Variants in NME8 observed in about 807,000 individuals in gnomAD.
NME8 encodes protein NME8.
Under a neutral mutation model 82.3 loss-of-function variants are expected in NME8, and 72 were observed. The observed-to-expected ratio is 0.87, with a 90% CI of 0.72 to 1.06. The LOEUF is 1.06. NME8 is among the 50% of genes least tolerant of loss of function. The pLI is 0.00. For synonymous variants in NME8, 267 were observed against 228.5 expected, an observed-to-expected ratio of 1.17 and a Z score of -1.52; for missense variants, 712 against 685.4, an observed-to-expected ratio of 1.04 and a Z score of -0.43.
In NME8 at chr7:37,863,417, G is replaced by A. The variant is rs1042158253; in HGVS notation, c.409G>A (p.Asp137Asn). ...ATAGTATCCTGAAATTCCATTAGTA[G>A]ACTCAGATTCAGAAGTTAGTGAAGA... ...RPQYPEIPLV[D>N]SDSEVSEESP... The change falls in exon 8 of 18, where the codon GAC becomes AAC. Residue 137 changes from aspartate to asparagine, a missense_variant. Coordinates refer to ENST00000199447, the MANE Select transcript of NME8 (RefSeq NM_016616.5). 1.9e-6 allele frequency: 3 copies of A among 1,593,392 alleles called. No individual in the cohort carries two copies. Among genetic ancestry groups the A allele is most frequent in the Non-Finnish European group, 2.6e-6 (3 of 1,161,318 alleles).
chr7:37,873,292 G>A (rs1164904500), intron 11 of NME8, among the ~76,000 whole-genome samples: 1 of 147,748 alleles, frequency 6.8e-6, no homozygotes, highest in East Asian at 2.0e-4. Flanking sequence ...CCCAGGAGGC[G>A]GAGATTGCAG....
intron 6 of NME8, 60 bp from the exon 7 acceptor site, chr7:37,861,968 G>A (rs1052341809): frequency 9.8e-7 from 1 of 1,024,464 alleles, no homozygotes; most frequent in Non-Finnish European, 1.6e-6. Context: ...CAGTTTAAGT[G>A]TTAGTTCTTG....
chr7:37,877,848 G>C (rs1033514435), intron 12 of NME8, among the ~76,000 whole-genome samples: 1 of 152,184 alleles, frequency 6.6e-6, no homozygotes, highest in African/African-American at 2.4e-5. Context: ...TGTCTCTGGA[G>C]GTTGCCAAAT....
rs1784714453 is a variant in NME8, at chr7:37,867,985, A to G, written c.818+87A>G. Reference sequence around the variant, plus strand: ...GTAGGCACCTCAGTACCTAAGGGCAAATGTTTTTATGTTAAAGGCATAAGT... The same window carrying G: ...GTAGGCACCTCAGTACCTAAGGGCAGATGTTTTTATGTTAAAGGCATAAGT... On this transcript the variant is annotated intron_variant, in intron 11 of 17. Coordinates refer to ENST00000199447, the MANE Select transcript of NME8 (RefSeq NM_016616.5). 3 of 1,075,634 alleles carry G rather than the reference A, an allele frequency of 2.8e-6. No individual in the cohort carries two copies. In the East Asian group the frequency reaches 7.6e-5, roughly 27 times the overall value. The allele number at this position is 1,075,634 out of a possible 1,614,324, so 66.6% of individuals were successfully genotyped here.
chr7:37,867,500 T>C (rs1784704174), intron 10 of NME8, among the ~76,000 whole-genome samples: 1 of 152,072 alleles, frequency 6.6e-6, no homozygotes, highest in South Asian at 2.1e-4. Context: ...CATGAATATA[T>C]GCAATTATTT....
intron 12 of NME8, among the ~76,000 whole-genome samples, chr7:37,879,721 A>G (rs1784912590): frequency 6.6e-6 from 1 of 152,210 alleles, no homozygotes; most frequent in Non-Finnish European, 1.5e-5. Context: ...ATCTAGGAGC[A>G]TGAGTACAGG....
intron 16 of NME8, among the ~76,000 whole-genome samples, chr7:37,895,800 ACAAATAACACTG>A: frequency 1.3e-5 from 2 of 152,152 alleles, no homozygotes; most frequent in African/African-American, 4.8e-5. Flanking sequence ...GTTTAGATAC[ACAAATAACACTG>A]TATTACAGTT....
At position 37,888,347 on chromosome 7, in the gene NME8, G is replaced by A. The variant is rs746117435; in HGVS notation, c.1318G>A (p.Ala440Thr). Residue 440 changes from alanine (A) to threonine (T), a missense_variant, in exon 15 of 18, where the codon GCT becomes ACT. Coordinates refer to ENST00000199447, the MANE Select transcript of NME8 (RefSeq NM_016616.5). The part of the protein sequence containing the change: ...QLYGSDSLET[A>T]EREIQHFFPL... ...GTATGGCAGCGATTCATTAGAAACC[G>A]CTGAAAGGGAAATACAGCATTTCTT... The A allele has an allele frequency of 1.4e-5, 23 of 1,613,326 alleles. No homozygotes were observed. The East Asian group carries it at 1.8e-4, about 13-fold the overall frequency.
intron 5 of NME8, among the ~76,000 whole-genome samples, chr7:37,856,841 G>C (rs2598034): frequency 0.23 from 34,506 of 152,040 alleles, 3,939 homozygotes; most frequent in Middle Eastern, 0.25. Flanking sequence ...CCTTCTAACA[G>C]AGCAGGTGTA....
intron 12 of NME8, among the ~76,000 whole-genome samples, chr7:37,879,725 G>A (rs1224366527): frequency 6.6e-6 from 1 of 152,148 alleles, no homozygotes. Flanking sequence ...AGGAGCATGA[G>A]TACAGGATCA....
rs115890663 is a variant in NME8, at chr7:37,852,325, C to T, written c.198+1590C>T. Among the ~76,000 whole-genome samples, 679 of 151,988 alleles carry T rather than the reference C, an allele frequency of 4.5e-3. 5 individuals carry two copies. The highest frequency in any genetic ancestry group is 0.016 in the African/African-American group (646 of 41,480). ...ACATCAGAGTGGTACATTGTTACAA[C>T]GGATTAGCCTACACTGGCACATCAT... On this transcript the variant is annotated intron_variant, in intron 5 of 17. Transcript: ENST00000199447.
At chr7:37,850,082 A>G (rs1018083067) in intron 2 of NME8, among the ~76,000 whole-genome samples, 178 bp from the exon 3 acceptor site, 4 of 152,206 alleles carry the variant, frequency 2.6e-5, no homozygotes, top group Admixed American at 1.3e-4. Context: ...GTATCAAAAT[A>G]TCTCAGATTT....
At chr7:37,882,606 AGAGAGAG>A (rs1784974998) in intron 12 of NME8, among the ~76,000 whole-genome samples, 1 of 52,604 alleles carries the variant, frequency 1.9e-5, no homozygotes, top group Non-Finnish European at 5.3e-5. Flanking sequence ...AAAGAGAGAG[AGAGAGAG>A]AGAAAGAAAG....
intron 16 of NME8, among the ~76,000 whole-genome samples, chr7:37,896,057 G>T (rs566805353): frequency 1.3e-5 from 2 of 152,184 alleles, no homozygotes; most frequent in African/African-American, 4.8e-5. Context: ...ACACACGTGT[G>T]TATAAAATAC....
intron 15 of NME8, among the ~76,000 whole-genome samples, chr7:37,889,708 C>T (rs1052169687): frequency 1.3e-5 from 2 of 151,738 alleles, no homozygotes; most frequent in Non-Finnish European, 2.9e-5. Context: ...TTGAAATTAT[C>T]GTGGTGTTGC....
intron 17 of NME8, among the ~76,000 whole-genome samples, chr7:37,898,657 T>C (rs1785268141): frequency 6.6e-6 from 1 of 152,182 alleles, no homozygotes; most frequent in Non-Finnish European, 1.5e-5. Flanking sequence ...ATGAGTTACC[T>C]AGAACAAGCA....
intron 16 of NME8, among the ~76,000 whole-genome samples, chr7:37,895,125 G>A (rs973862312): frequency 6.6e-6 from 1 of 152,128 alleles, no homozygotes; most frequent in Non-Finnish European, 1.5e-5. Context: ...TTAAACACTT[G>A]ATAAATGTTA....
intron 12 of NME8, among the ~76,000 whole-genome samples, chr7:37,882,344 G>A (rs894596126): frequency 1.3e-5 from 2 of 151,794 alleles, no homozygotes; most frequent in Non-Finnish European, 2.9e-5. Flanking sequence ...AAACGTAGCC[G>A]GGCGTGGTGG....
intron 12 of NME8, 42 bp downstream of exon 12, chr7:37,877,049 T>A: frequency 3.3e-6 from 5 of 1,520,348 alleles, no homozygotes; most frequent in Non-Finnish European, 4.6e-6. Context: ...TTTATATAGA[T>A]GAGATTTGAA....
Sources: gnomAD v4.1 joint callset for allele counts (sites outside exome capture counted in the v4.1 genomes callset) on GRCh38, gnomAD v4.1.1 for gene constraint, MANE v1.5 for transcripts, NCBI Gene and HGNC (gene_info 2026-07-23, HGNC 2026-07-21) for gene names.